The following MTCL1 variants were observed in gnomAD, a reference collection of about 807,000 sequenced individuals.
MTCL1 encodes the protein microtubule crosslinking factor 1, also known as microtubule cross-linking factor 1.
Under a neutral mutation model 141.4 loss-of-function variants are expected in MTCL1, and 79 were observed. That is an observed-to-expected ratio of 0.56 (90% CI 0.47 to 0.67). MTCL1 has a LOEUF of 0.67. MTCL1 is among the 30% of genes least tolerant of loss of function. MTCL1 has a pLI of 0.00. For synonymous variants in MTCL1, 914 were observed against 875.8 expected (o/e 1.04, Z -0.77); for missense variants, 2,177 against 2,113.9 (o/e 1.03, Z -0.59).
At chr18:8,821,635 G>T in intron 14 of MTCL1, 137 bp downstream of exon 13, 1 of 507,994 alleles carries the variant, frequency 2.0e-6, no homozygotes, top group East Asian at 3.6e-5. Flanking sequence ...AGAAGTGGCT[G>T]CTTTATTATT....
At chr18:8,793,094 G>A (rs2075792791) in exon 8 of MTCL1, 1 of 1,614,136 alleles carries the variant, frequency 6.2e-7, no homozygotes. Flanking sequence ...AGAGGAGACA[G>A]AGACATTTAC....
At chr18:8,714,078 T>C (rs1374139502), upstream of MTCL1, among the ~76,000 whole-genome samples, 1 of 152,266 alleles carries the variant, frequency 6.6e-6, no homozygotes, top group East Asian at 1.9e-4. Context: ...TTTTTTGTTT[T>C]ACACTGATGG....
intron 1 of MTCL1, among the ~76,000 whole-genome samples, chr18:8,711,331 A>G (rs1358911333): frequency 6.8e-6 from 1 of 148,010 alleles, no homozygotes; most frequent in African/African-American, 2.5e-5. Context: ...GCTATTGTGA[A>G]TAATGCCGCA....
At chr18:8,755,637 T>G (rs991953240) in intron 4 of MTCL1, among the ~76,000 whole-genome samples, 7 of 152,212 alleles carry the variant, frequency 4.6e-5, no homozygotes, top group Non-Finnish European at 1.0e-4. Flanking sequence ...ACCTATTTTG[T>G]GGCAGATCAT....
chr18:8,825,887 C>G (rs1568114072), exon 15 of MTCL1: 1 of 1,613,690 alleles, frequency 6.2e-7, no homozygotes, highest in Non-Finnish European at 8.5e-7. Flanking sequence ...TGCAGGACCC[C>G]TTCCAGAAGG....
chr18:8,705,805 C>T lies in MTCL1; in HGVS notation c.145C>T (p.Leu49Phe). The T allele has an allele frequency of 2.5e-6, 3 of 1,191,400 alleles. No individual in the cohort carries two copies. Among genetic ancestry groups the T allele is most frequent in the Non-Finnish European group, 3.1e-6 (3 of 961,362 alleles). The allele number at this position is 1,191,400 out of a possible 1,614,324, so 73.8% of individuals were successfully genotyped here. Residue 49 changes from leucine to phenylalanine, a missense_variant, in exon 1 of 14, where the codon CTC (leucine) becomes TTC (phenylalanine). Physicochemically the swap from Leu to Phe is conservative, Grantham distance 22 (BLOSUM62 0). Transcript: ENST00000306329. This position sits in a 1 kb window ranked among gnomAD's most constrained non-coding sequence, Gnocchi z 5.2. ...TGCGCCCTCGCCCGCCAGACCCTTC[C>T]TCAAGGACCTGCACGCCCGGCCCGC...
chr18:8,823,178 A>G lies in MTCL1; in HGVS notation c.3189-1521A>G, dbSNP rs892232540. On this transcript the variant is annotated intron_variant, in intron 14 of 16. Transcript: ENST00000359865. ...TCGTTCCACCTGCAAGCGCCTACAC[A>G]TGCTCCAGATGTATCCCGGGTTTTC... Among the ~76,000 whole-genome samples the G allele has an allele frequency of 4.6e-5, 7 of 152,046 alleles. 1 individual carries two copies. In the South Asian group the frequency reaches 1.2e-3, roughly 27 times the overall value.
Position 8,786,110 on chromosome 18 carries a change from T to TCCCCCCCCCCCACC in MTCL1, c.1887+30_1887+31insACCCCCCCCCCCCC. 2 of 1,310,348 alleles carry TCCCCCCCCCCCACC rather than the reference T, an allele frequency of 1.5e-6. No individual in the cohort carries two copies. The highest frequency in any genetic ancestry group is 2.0e-6 in the Non-Finnish European group (2 of 990,148). 81.2% of individuals were successfully genotyped at this position (1,310,348 alleles called of 1,614,324 possible). On this transcript the variant is annotated intron_variant, in intron 7 of 16. Transcript: ENST00000359865. ...CCTGGAGGTCAGCGTGGGCAAGCAATCCCCCCCCCCCGCCCTCCCCCTCCT... is the reference window on the plus strand; with the variant it reads ...CCTGGAGGTCAGCGTGGGCAAGCAATCCCCCCCCCCCACCCCCCCCCCCCCGCCCTCCCCCTCCT...
chr18:8,772,575 GTATATATGTTATATATTAT>G (rs1466064274), intron 4 of MTCL1, among the ~76,000 whole-genome samples: 4 of 150,590 alleles, frequency 2.7e-5, no homozygotes, highest in Admixed American at 2.7e-4. Context: ...TTCCTTATAT[GTATATATGTTATATATTAT>G]TATGTTATAT....
intron 12 of MTCL1, among the ~76,000 whole-genome samples, chr18:8,817,252 C>CTTTTTTTT (rs35022661): frequency 3.4e-5 from 4 of 118,234 alleles, no homozygotes; most frequent in African/African-American, 6.4e-5. Flanking sequence ...AAAGCCTTCC[C>CTTTTTTTT]TTTTTTTTTT....
At chr18:8,774,831 C>T (rs1177220604) in intron 4 of MTCL1, among the ~76,000 whole-genome samples, 1 of 152,192 alleles carries the variant, frequency 6.6e-6, no homozygotes, top group Non-Finnish European at 1.5e-5. Flanking sequence ...GTTTTTCATT[C>T]TAGTTGCCAC....
Position 8,797,955 on chromosome 18 carries a change from A to G in MTCL1, c.2242-142A>G, listed in dbSNP as rs150621522. ...AGTGCCAATGAGTGAGATGGCCAAAATGAGCATTTTAGGGGTAAGGACTGA... is the reference window on the plus strand; with the variant it reads ...AGTGCCAATGAGTGAGATGGCCAAAGTGAGCATTTTAGGGGTAAGGACTGA... On this transcript the variant is annotated intron_variant, in intron 9 of 16. Coordinates refer to ENST00000359865, the Ensembl canonical transcript of MTCL1. 593 of 766,180 alleles carry G rather than the reference A, an allele frequency of 7.7e-4. 3 individuals are homozygous for G. The Middle Eastern group carries it at 0.012, about 16-fold the overall frequency. The allele number at this position is 766,180 out of a possible 1,614,324, so 47.5% of individuals were successfully genotyped here.
intron 10 of MTCL1, among the ~76,000 whole-genome samples, chr18:8,806,031 A>G (rs1336385952): frequency 6.6e-6 from 1 of 152,184 alleles, no homozygotes; most frequent in Non-Finnish European, 1.5e-5. Flanking sequence ...CAGATTAGTA[A>G]TAAAAATCCA....
At chr18:8,806,787 C>G in intron 10 of MTCL1, 106 bp from the exon 10 acceptor site, 1 of 984,092 alleles carries the variant, frequency 1.0e-6, no homozygotes, top group Non-Finnish European at 1.4e-6. Context: ...GCCAACAACA[C>G]CTGGGAAACA....
At chr18:8,815,038 T>C (rs2076605742) in intron 12 of MTCL1, among the ~76,000 whole-genome samples, 1 of 152,172 alleles carries the variant, frequency 6.6e-6, no homozygotes, top group Non-Finnish European at 1.5e-5. Flanking sequence ...TGTAAACTAG[T>C]TCAACCATTG....
At chr18:8,812,670 A>AT (rs1291215542) in intron 11 of MTCL1, among the ~76,000 whole-genome samples, 3 of 152,152 alleles carry the variant, frequency 2.0e-5, no homozygotes, top group Admixed American at 2.0e-4. Context: ...GGATATAGGG[A>AT]CGGACATGGT....
intron 4 of MTCL1, among the ~76,000 whole-genome samples, chr18:8,747,171 G>A (rs184482553): frequency 9.5e-4 from 144 of 152,340 alleles, no homozygotes; most frequent in Middle Eastern, 3.4e-3. Context: ...CACAGGTACT[G>A]ACTCTGTCTT....
At chr18:8,777,017 G>A (rs975226085) in intron 4 of MTCL1, among the ~76,000 whole-genome samples, 1 of 151,978 alleles carries the variant, frequency 6.6e-6, no homozygotes, top group Non-Finnish European at 1.5e-5. Flanking sequence ...GGTGGATCAC[G>A]ACGTCAGGAG....
At position 8,826,284 on chromosome 18, in the gene MTCL1, C is replaced by G. The variant is rs764743855; in HGVS notation, c.4722+52C>G. ...CTTCCCCACCAGCTCTTCCCTTTAGCTGTGGGGCAGGTTGGGACTTGGGAT... is the reference window on the plus strand; with the variant it reads ...CTTCCCCACCAGCTCTTCCCTTTAGGTGTGGGGCAGGTTGGGACTTGGGAT... On this transcript the variant is annotated intron_variant, in intron 15 of 16. Transcript: ENST00000359865. 21 of 1,442,960 alleles carry G rather than the reference C, an allele frequency of 1.5e-5. 2 individuals carry two copies. The South Asian group carries it at 2.7e-4, about 19-fold the overall frequency. 89.4% of individuals were successfully genotyped at this position (1,442,960 alleles called of 1,614,324 possible). A position where few individuals can be genotyped will look rare whatever the true frequency, so the allele number is the denominator to read the frequency against.
Sources: gnomAD v4.1 joint callset for allele counts (sites outside exome capture counted in the v4.1 genomes callset) on GRCh38, gnomAD v4.1.1 for gene constraint, Gnocchi (gnomAD v3.1) non-coding constraint, MANE v1.5 for transcripts, NCBI Gene and HGNC (gene_info 2026-07-23, HGNC 2026-07-21) for gene names.